FXR1: variants seen among roughly 807,000 people sequenced by gnomAD.
The protein encoded by FXR1 is RNA-binding protein FXR1.
Under a neutral mutation model 84.0 loss-of-function variants are expected in FXR1, and 15 were observed. The observed-to-expected ratio is 0.18, with a 90% CI of 0.12 to 0.27. The LOEUF (loss-of-function observed/expected upper bound fraction) is 0.27. FXR1 is among the 10% of genes least tolerant of loss of function. FXR1 has a pLI of 1.00. For synonymous variants in FXR1, 245 were observed against 250.7 expected (o/e 0.98, Z 0.21); for missense variants, 480 against 774.4 (o/e 0.62, Z 4.51).
intron 1 of FXR1, among the ~76,000 whole-genome samples, chr3:180,926,524 T>G (rs1229084938): frequency 6.9e-6 from 1 of 145,760 alleles, no homozygotes; most frequent in Admixed American, 6.8e-5. Context: ...TTCTGGCCTT[T>G]TGTTGGCATT....
Position 180,970,141 on chromosome 3 carries a change from C to T in FXR1, c.1403-17C>T. 7.0e-7 allele frequency: 1 copy of T among 1,429,556 alleles called. No individual in the cohort carries two copies. Among genetic ancestry groups the T allele is most frequent in the Non-Finnish European group, 9.9e-7 (1 of 1,012,750 alleles). 88.6% of individuals were successfully genotyped at this position (1,429,556 alleles called of 1,614,324 possible). A position where few individuals can be genotyped will look rare whatever the true frequency, so the allele number is the denominator to read the frequency against. On this transcript the variant is annotated splice_polypyrimidine_tract_variant and intron_variant, in intron 14 of 16. Transcript: ENST00000357559. ...GTACTCTTAAACGAATATTTCTTGC[C>T]TCTGACATGAATATAGTGCTCAAAG...
chr3:180,924,733 C>G (rs1237452314), intron 1 of FXR1, among the ~76,000 whole-genome samples: 1 of 152,088 alleles, frequency 6.6e-6, no homozygotes, highest in African/African-American at 2.4e-5. Context: ...CTCAGGTGAT[C>G]CACCTGCCTC....
intron 3 of FXR1, among the ~76,000 whole-genome samples, chr3:180,943,226 C>T (rs886181487): frequency 6.8e-6 from 1 of 148,132 alleles, no homozygotes; most frequent in Non-Finnish European, 1.5e-5. Flanking sequence ...CTTGGCATCC[C>T]GAAGTGCTGA....
rs1053845033 is a variant in FXR1 at position 180,936,948 on chromosome 3, C to A, written c.198+1717C>A. 3.3e-5 allele frequency among the ~76,000 whole-genome samples: 5 copies of A among 152,170 alleles called. No homozygotes were observed. The South Asian group carries it at 8.3e-4, about 25-fold the overall frequency. On this transcript the variant is annotated intron_variant, in intron 3 of 16. Transcript: ENST00000357559. ...TTACTGGTGGCATCTGGGGGAGACA[C>A]GAGGAAACAAAGTGGTGAAGTGACT...
At chr3:180,940,244 A>C (rs1474751920) in intron 3 of FXR1, among the ~76,000 whole-genome samples, 1 of 152,210 alleles carries the variant, frequency 6.6e-6, no homozygotes, top group Non-Finnish European at 1.5e-5. Flanking sequence ...TCTTCATAAC[A>C]CTTAATAGTA....
intron 15 of FXR1, among the ~76,000 whole-genome samples, chr3:180,972,195 G>A (rs1713668090): frequency 6.6e-6 from 1 of 152,172 alleles, no homozygotes; most frequent in South Asian, 2.1e-4. Flanking sequence ...TGGGTGCAGT[G>A]GCTCATACCT....
intron 4 of FXR1, 133 bp downstream of exon 4, chr3:180,948,069 CCATTAG>C (rs1721877544): frequency 1.6e-6 from 1 of 632,506 alleles, no homozygotes; most frequent in Non-Finnish European, 2.8e-6. Flanking sequence ...TCAGACATTT[CCATTAG>C]CATTAATTTC....
intron 1 of FXR1, chr3:180,927,686 TTCA>T: frequency 1.9e-6 from 1 of 522,766 alleles, no homozygotes; most frequent in African/African-American, 2.0e-5. Context: ...TGAGTAGATC[TTCA>T]TAGTAAGGTA....
At chr3:180,954,462 C>G (rs539295287) in intron 9 of FXR1, among the ~76,000 whole-genome samples, 23 of 152,114 alleles carry the variant, frequency 1.5e-4, no homozygotes, top group Non-Finnish European at 2.8e-4. Context: ...GCATTTGAAG[C>G]TATGGTTAAA....
At chr3:180,933,264 C>A in intron 1 of FXR1, 70 bp from the exon 2 acceptor site, 1 of 885,062 alleles carries the variant, frequency 1.1e-6, no homozygotes, top group Non-Finnish European at 1.9e-6. Flanking sequence ...TATCTTTGAA[C>A]TAATACAACC....
intron 9 of FXR1, among the ~76,000 whole-genome samples, chr3:180,955,226 C>T (rs1020932053): frequency 6.6e-6 from 1 of 151,962 alleles, no homozygotes; most frequent in South Asian, 2.1e-4. Context: ...AACTCCTGCT[C>T]CTGATCTTGT....
chr3:180,971,867 T>C (rs1713630841), intron 15 of FXR1: 1 of 152,632 alleles, frequency 6.6e-6, no homozygotes, highest in Non-Finnish European at 1.5e-5. Context: ...ATGAAGCAAT[T>C]GTGTGCACCA....
At chr3:180,912,953 T>C (rs895904169) in intron 1 of FXR1, among the ~76,000 whole-genome samples, 5 of 152,156 alleles carry the variant, frequency 3.3e-5, no homozygotes, top group Non-Finnish European at 5.9e-5. Context: ...CGGACACCTC[T>C]TGCATTTTCC....
intron 1 of FXR1, among the ~76,000 whole-genome samples, chr3:180,916,428 CTT>C (rs891680603): frequency 2.0e-5 from 3 of 152,186 alleles, no homozygotes; most frequent in African/African-American, 7.2e-5. Context: ...GAATCTTGCT[CTT>C]TTGCCCGGGT....
chr3:180,975,595 T>C (rs940326754), intron 16 of FXR1, among the ~76,000 whole-genome samples, 191 bp downstream of exon 16: 2 of 152,226 alleles, frequency 1.3e-5, no homozygotes, highest in Non-Finnish European at 2.9e-5. Flanking sequence ...TGAAATACTT[T>C]TTAGTTAGAG....
chr3:180,951,248 G>A, intron 7 of FXR1, 50 bp from the exon 8 acceptor site: 1 of 1,190,888 alleles, frequency 8.4e-7, no homozygotes, highest in Non-Finnish European at 1.2e-6. Flanking sequence ...ATACAAAAAA[G>A]CCATTTTGTA....
intron 11 of FXR1, among the ~76,000 whole-genome samples, chr3:180,962,595 C>T (rs1400125238): frequency 6.6e-6 from 1 of 152,152 alleles, no homozygotes; most frequent in Non-Finnish European, 1.5e-5. Context: ...TAATAAATAA[C>T]TTATTTTAAA....
intron 1 of FXR1, among the ~76,000 whole-genome samples, chr3:180,913,618 T>C (rs1380054364): frequency 3.3e-5 from 5 of 151,880 alleles, no homozygotes; most frequent in Non-Finnish European, 5.9e-5. Flanking sequence ...AGGAATAGAG[T>C]AGAGGAATTT....
intron 3 of FXR1, among the ~76,000 whole-genome samples, chr3:180,940,204 CT>C (rs1720967019): frequency 6.6e-6 from 1 of 152,066 alleles, no homozygotes; most frequent in African/African-American, 2.4e-5. Flanking sequence ...TTTTATTTGC[CT>C]TTTAAAAATG....
Sources: allele counts gnomAD v4.1 joint callset (sites outside exome capture counted in the v4.1 genomes callset), GRCh38; gene constraint gnomAD v4.1.1; transcripts MANE v1.5; gene names NCBI Gene and HGNC (gene_info 2026-07-23, HGNC 2026-07-21).